ZNF483: variants seen among roughly 807,000 people sequenced by gnomAD.
ZNF483 encodes the protein zinc finger protein HIT-10.
A neutral mutation model predicts 28.6 loss-of-function variants in ZNF483; 9 were observed. That is an observed-to-expected ratio of 0.32 (90% confidence interval 0.19 to 0.55). The LOEUF (loss-of-function observed/expected upper bound fraction) is 0.55, where lower values mean the gene tolerates loss of function less well. Among genes scored for constraint, ZNF483 ranks in the 20% least tolerant of loss-of-function variants. The pLI, the probability that ZNF483 is intolerant of heterozygous loss-of-function variation, is 0.93. For missense variants in ZNF483, 675 were observed against 871.7 expected, an observed-to-expected ratio of 0.77 and a Z score of 2.84; for synonymous variants, 322 against 306.2, an observed-to-expected ratio of 1.05 and a Z score of -0.54.
At chr9:111,535,554 T>G (rs1044608902) in intron 5 of ZNF483, among the ~76,000 whole-genome samples, 2 of 152,248 alleles carry the variant, frequency 1.3e-5, no homozygotes, top group Non-Finnish European at 2.9e-5. Flanking sequence ...GGTTTTGTTT[T>G]GTTTTCTTGA....
At chr9:111,560,513 C>T (rs1473255868) in intron 5 of ZNF483, among the ~76,000 whole-genome samples, 4 of 147,096 alleles carry the variant, frequency 2.7e-5, no homozygotes, top group South Asian at 2.2e-4. Context: ...TGGTGGCAGG[C>T]GCCTGTAATC....
At chr9:111,530,457 A>G (rs1263052559) in intron 2 of ZNF483, among the ~76,000 whole-genome samples, 2 of 152,008 alleles carry the variant, frequency 1.3e-5, no homozygotes, top group Middle Eastern at 3.4e-3. Context: ...GCTCATGGGA[A>G]CCCCAATTTG....
chr9:111,555,093 G>T lies in ZNF483; in HGVS notation c.*11923G>T, dbSNP rs1230923239. On this transcript the variant is annotated 3_prime_UTR_variant, in exon 6 of 6. Transcript: ENST00000309235. ...AGAGGCACGCCACATGGTGGGATAG[G>T]AGTTGGAGTTCATCCCCTTTTATTC... 6.6e-6 allele frequency among the ~76,000 whole-genome samples: 1 copy of T among 152,158 alleles called. No homozygotes were observed. The highest frequency in any genetic ancestry group is 2.4e-5 in the African/African-American group (1 of 41,438).
intron 2 of ZNF483, 23 bp from the exon 3 acceptor site, chr9:111,530,852 A>C (rs764893952): frequency 8.8e-7 from 1 of 1,141,998 alleles, no homozygotes; most frequent in South Asian, 1.7e-5. Context: ...GAACGACTGG[A>C]CTGGTTTTCT....
Position 111,544,971 on chromosome 9 carries a change from C to T in ZNF483, c.*1801C>T, listed in dbSNP as rs533767162. On this transcript the variant is annotated 3_prime_UTR_variant, in exon 6 of 6. Transcript: ENST00000309235. ...GAGAGCTAAACCAGAAAACTCTTCA[C>T]TTATGGAAGTAAAGCGATCCTTAAT... Among the ~76,000 whole-genome samples the T allele has an allele frequency of 1.9e-4, 29 of 152,252 alleles. No individual in the cohort carries two copies. Among genetic ancestry groups the T allele is most frequent in the African/African-American group, 6.5e-4 (27 of 41,550 alleles).
intron 2 of ZNF483, among the ~76,000 whole-genome samples, chr9:111,528,245 A>G (rs1367553715): frequency 3.3e-5 from 5 of 152,196 alleles, no homozygotes; most frequent in Non-Finnish European, 5.9e-5. Flanking sequence ...GCTGATGGAA[A>G]TGTTTCTGCA....
chr9:111,535,750 T>A (rs1827478138), intron 5 of ZNF483, among the ~76,000 whole-genome samples: 1 of 151,002 alleles, frequency 6.6e-6, no homozygotes, highest in Admixed American at 6.6e-5. Context: ...TTTCACCATA[T>A]TGGCCAGGAT....
In ZNF483 at chr9:111,549,647, G is replaced by A; in HGVS notation, c.*6477G>A. The A allele has an allele frequency of 7.7e-7, 1 of 1,292,766 alleles. No homozygotes were observed. Among genetic ancestry groups the A allele is most frequent in the Non-Finnish European group, 1.1e-6 (1 of 931,938 alleles). The allele number at this position is 1,292,766 out of a possible 1,614,324, so 80.1% of individuals were successfully genotyped here. A position where few individuals can be genotyped will look rare whatever the true frequency, so the allele number is the denominator to read the frequency against. ...TTCTGGGGCAGCGGTCGTGGTGGTG[G>A]TGGCAGCGGCAGCAGGGTTCCCCAT... On this transcript the variant is annotated 3_prime_UTR_variant, in exon 6 of 6. Transcript: ENST00000309235.
downstream of ZNF483, among the ~76,000 whole-genome samples, chr9:111,558,390 G>A (rs1043901928): frequency 6.6e-6 from 1 of 151,930 alleles, no homozygotes; most frequent in Non-Finnish European, 1.5e-5. Context: ...GGTATAAGAT[G>A]CTCCAGGCTG....
intron 5 of ZNF483, among the ~76,000 whole-genome samples, chr9:111,534,935 G>A (rs1827448912): frequency 6.6e-6 from 1 of 151,928 alleles, no homozygotes; most frequent in South Asian, 2.1e-4. Flanking sequence ...ATGTTGTCCA[G>A]GCTAGTCTTG....
chr9:111,559,647 G>GCACA (rs60224675), downstream of ZNF483, among the ~76,000 whole-genome samples: 5 of 150,604 alleles, frequency 3.3e-5, no homozygotes, highest in African/African-American at 9.8e-5. Context: ...CACACATACA[G>GCACA]CACACACACA....
intron 5 of ZNF483, among the ~76,000 whole-genome samples, chr9:111,561,084 A>AATATATATATAT (rs368827456): frequency 5.4e-4 from 11 of 20,346 alleles, no homozygotes; most frequent in East Asian, 1.1e-3. Context: ...CTCCATCTAA[A>AATATATATATAT]ATATATATAT....
intron 5 of ZNF483, chr9:111,569,990 T>C (rs772434993): frequency 1.3e-5 from 20 of 1,555,458 alleles, no homozygotes; most frequent in African/African-American, 1.2e-4. Context: ...AAACTGACGA[T>C]GCGGCAGAGA....
In ZNF483 at chr9:111,530,880, G is replaced by T; in HGVS notation, c.418G>T (p.Val140Phe). 1 of 1,463,288 alleles carries T rather than the reference G, an allele frequency of 6.8e-7. No homozygotes were observed. Among genetic ancestry groups the T allele is most frequent in the Non-Finnish European group, 9.2e-7 (1 of 1,086,582 alleles). 90.6% of individuals were successfully genotyped at this position (1,463,288 alleles called of 1,614,324 possible). A position where few individuals can be genotyped will look rare whatever the true frequency, so the allele number is the denominator to read the frequency against. ...GGTTTTCTCCCCTTTCCTAGATCCA[G>T]TCTCTCAAGATTCTACTGTTTCCCA... ...LTQMLEEKDP[V>F]SQDSTVSQEE... The change falls in exon 3 of 6, where the codon GTC becomes TTC. Residue 140 changes from valine to phenylalanine, a missense_variant. Val to Phe is a conservative substitution (Grantham distance 50, BLOSUM62 -1). Transcript: ENST00000309235.
chr9:111,563,456 G>A (rs530355351), intron 5 of ZNF483: 41 of 414,440 alleles, frequency 9.9e-5, no homozygotes, highest in African/African-American at 4.6e-4. Context: ...AATAGGTGTC[G>A]GATCATAGTG....
At chr9:111,526,860 G>A (rs1827195679) in intron 1 of ZNF483, among the ~76,000 whole-genome samples, 1 of 152,170 alleles carries the variant, frequency 6.6e-6, no homozygotes, top group South Asian at 2.1e-4. Flanking sequence ...GACACTTTGG[G>A]AGGCTGAGGT....
intron 2 of ZNF483, among the ~76,000 whole-genome samples, chr9:111,530,145 G>T (rs982949388): frequency 6.6e-6 from 1 of 152,152 alleles, no homozygotes; most frequent in African/African-American, 2.4e-5. Context: ...AGGGGAGAGG[G>T]ACTGAAGGTT....
chr9:111,531,097 G>A (rs963186864), intron 3 of ZNF483, 134 bp downstream of exon 3: 29 of 253,850 alleles, frequency 1.1e-4, no homozygotes, highest in Admixed American at 4.7e-5. Flanking sequence ...GGGAGGCTGA[G>A]GCAGGAAGAT....
downstream of ZNF483, chr9:111,577,933 A>G (rs1829128953): frequency 6.6e-6 from 1 of 152,222 alleles, no homozygotes; most frequent in Non-Finnish European, 1.5e-5. Flanking sequence ...GATGCCAGTC[A>G]TAAGAGACCA....
Sources: allele counts gnomAD v4.1 joint callset (sites outside exome capture counted in the v4.1 genomes callset), GRCh38; gene constraint gnomAD v4.1.1; transcripts MANE v1.5; gene names NCBI Gene and HGNC (gene_info 2026-07-23, HGNC 2026-07-21).